Variants in SP100 observed in about 807,000 individuals in gnomAD.
SP100 encodes the protein SP100 nuclear body protein.
SP100 carries 84 observed loss-of-function variants against 130.0 expected under a neutral mutation model. The observed-to-expected ratio is 0.65, with a 90% confidence interval of 0.54 to 0.77. SP100 has a LOEUF of 0.77. Ranked by LOEUF, SP100 falls within the 30% of genes least tolerant of loss-of-function variation. The pLI is 0.00. For synonymous variants in SP100, 331 were observed against 351.7 expected, an observed-to-expected ratio of 0.94 and a Z score of 0.66; for missense variants, 978 against 1,052.2, an observed-to-expected ratio of 0.93 and a Z score of 0.97.
chr2:230,540,859 T>C lies in SP100; in HGVS notation c.2211-17T>C, dbSNP rs1692146993. On this transcript the variant is annotated splice_polypyrimidine_tract_variant and intron_variant, in intron 25 of 28. Transcript: ENST00000340126. ...TCACAGAACCTGCCATTGCTCACTT[T>C]ATGCCCCATCTCTCAGGAACCCGTG... 1.2e-6 allele frequency: 2 copies of C among 1,607,540 alleles called. No individual in the cohort carries two copies. The highest frequency in any genetic ancestry group is 1.7e-6 in the Non-Finnish European group (2 of 1,175,832).
intron 24 of SP100, among the ~76,000 whole-genome samples, chr2:230,521,251 G>A (rs1362734580): frequency 6.6e-6 from 1 of 152,116 alleles, no homozygotes; most frequent in African/African-American, 2.4e-5. Flanking sequence ...TTGAACAAAT[G>A]TGAAACTTGA....
chr2:230,466,433 A>G, intron 12 of SP100, 79 bp downstream of exon 12: 1 of 817,742 alleles, frequency 1.2e-6, no homozygotes, highest in Non-Finnish European at 2.1e-6. Flanking sequence ...TTTTCTACAA[A>G]AGAGTCAGTC....
chr2:230,450,377 A>G lies in SP100; in HGVS notation c.820+122A>G, dbSNP rs527745777. 62 of 661,134 alleles carry G rather than the reference A, an allele frequency of 9.4e-5. No homozygotes were observed. In the African/African-American group the frequency reaches 1.1e-3, roughly 12 times the overall value. 41.0% of individuals were successfully genotyped at this position (661,134 alleles called of 1,614,324 possible). On this transcript the variant is annotated intron_variant, in intron 8 of 28. Transcript: ENST00000340126. ...CCACTTTTTAAAATTACCAGATTAA[A>G]AGCTGGATGTATTTATCATTACATG... is the stretch of plus-strand genomic sequence containing the variant.
At chr2:230,522,911 T>G (rs1487589272) in intron 24 of SP100, among the ~76,000 whole-genome samples, 1 of 151,946 alleles carries the variant, frequency 6.6e-6, no homozygotes, top group African/African-American at 2.4e-5. Flanking sequence ...ATTTCCTAGG[T>G]TCAAGTGATT....
At chr2:230,429,311 C>T (rs936275237) in intron 2 of SP100, among the ~76,000 whole-genome samples, 1 of 152,070 alleles carries the variant, frequency 6.6e-6, no homozygotes, top group Non-Finnish European at 1.5e-5. Flanking sequence ...AGGTTTCTGC[C>T]GAGAAATTTG....
intron 2 of SP100, among the ~76,000 whole-genome samples, chr2:230,439,650 T>G (rs2063407777): frequency 6.6e-6 from 1 of 152,072 alleles, no homozygotes; most frequent in Non-Finnish European, 1.5e-5. Flanking sequence ...TTGATTTGAT[T>G]CTCAGCTTGA....
At chr2:230,490,887 G>A (rs1175002276) in intron 17 of SP100, among the ~76,000 whole-genome samples, 4 of 152,096 alleles carry the variant, frequency 2.6e-5, no homozygotes, top group African/African-American at 9.7e-5. Flanking sequence ...CTTTGTAGGT[G>A]ACCTGGCCTT....
intron 17 of SP100, among the ~76,000 whole-genome samples, chr2:230,487,932 A>G (rs2066191643): frequency 6.6e-6 from 1 of 151,852 alleles, no homozygotes; most frequent in Non-Finnish European, 1.5e-5. Context: ...TAGGTATTTT[A>G]TTATCTTTGT....
intron 3 of SP100, among the ~76,000 whole-genome samples, 187 bp from the exon 4 acceptor site, chr2:230,443,991 G>A (rs1288280155): frequency 2.0e-5 from 3 of 152,174 alleles, no homozygotes; most frequent in East Asian, 1.9e-4. Context: ...TCATCAGTGG[G>A]CATTTTTAAG....
chr2:230,489,479 GT>G (rs528312665), intron 17 of SP100, among the ~76,000 whole-genome samples: 7 of 151,236 alleles, frequency 4.6e-5, no homozygotes, highest in African/African-American at 1.7e-4. Context: ...CCAGCTCCTG[GT>G]TTTTTTGGAG....
At chr2:230,440,476 G>A in intron 2 of SP100, 5 of 1,160,488 alleles carry the variant, frequency 4.3e-6, no homozygotes, top group Non-Finnish European at 5.6e-6. Flanking sequence ...ATTTCAATAG[G>A]TTTTTGGAGA....
intron 15 of SP100, chr2:230,470,362 T>C: frequency 1.8e-6 from 2 of 1,113,330 alleles, no homozygotes; most frequent in Non-Finnish European, 2.2e-6. Flanking sequence ...TTTGTGGTAT[T>C]CTTTTTTTTA....
chr2:230,501,050 T>G (rs1222862491), intron 19 of SP100, among the ~76,000 whole-genome samples: 1 of 152,046 alleles, frequency 6.6e-6, no homozygotes, highest in Non-Finnish European at 1.5e-5. Flanking sequence ...AAGACAAGCC[T>G]GGGCAACATG....
intron 17 of SP100, among the ~76,000 whole-genome samples, chr2:230,476,683 A>G (rs2065565041): frequency 6.6e-6 from 1 of 152,222 alleles, no homozygotes; most frequent in Non-Finnish European, 1.5e-5. Context: ...TTAAACTAAT[A>G]TACCTGGACA....
intron 24 of SP100, among the ~76,000 whole-genome samples, chr2:230,531,949 T>C (rs1160638878): frequency 6.6e-6 from 1 of 152,216 alleles, no homozygotes; most frequent in Non-Finnish European, 1.5e-5. Context: ...ATGTATTTGC[T>C]GTTTGTTCTC....
chr2:230,443,210 T>G, intron 3 of SP100, 111 bp downstream of exon 3: 1 of 984,380 alleles, frequency 1.0e-6, no homozygotes, highest in Non-Finnish European at 1.5e-6. Flanking sequence ...ACAGGTCTCC[T>G]ATGAGTGGGG....
In SP100 at chr2:230,449,672, A is replaced by G. The variant is rs755335603; in HGVS notation, c.698A>G (p.Gln233Arg). Residue 233 changes from glutamine to arginine, a missense_variant, in exon 7 of 29, where the codon CAA becomes CGA. Transcript: ENST00000340126. ...AAAGATGATTCGCTAGGAAGCCAAC[A>G]AACAAATGAACAATGTGCTCAAAAG... is the stretch of plus-strand genomic sequence containing the variant. The part of the protein sequence containing the change: ...SDKDDSLGSQ[Q>R]TNEQCAQKAE... 3 of 1,614,218 alleles carry G rather than the reference A, an allele frequency of 1.9e-6. No homozygotes were observed. Among genetic ancestry groups the G allele is most frequent in the Non-Finnish European group, 2.5e-6 (3 of 1,180,032 alleles).
At position 230,437,220 on chromosome 2, in the gene SP100, C is replaced by T. The variant is rs77389393; in HGVS notation, c.108-5717C>T. Among the ~76,000 whole-genome samples, 158 of 152,170 alleles carry T rather than the reference C, an allele frequency of 1.0e-3. 1 individual carries two copies. Among genetic ancestry groups the T allele is most frequent in the Middle Eastern group, 3.4e-3 (1 of 292 alleles). On this transcript the variant is annotated intron_variant, in intron 2 of 28. Transcript: ENST00000340126. The stretch of plus-strand genomic sequence containing the variant: ...ACCCATTCATGAATAGGTTTAAATA[C>T]GTTTTCTCCTTTTATTTATTGGTAT...
In SP100 at chr2:230,542,816, T is replaced by G. The variant is rs1377681799; in HGVS notation, c.2548-20T>G. On this transcript the variant is annotated intron_variant, in intron 28 of 28. Coordinates refer to ENST00000340126, the MANE Select transcript of SP100 (RefSeq NM_001080391.2). ...GCTCATTGCATAACTGCTATATTGT[T>G]TTTTTCTTTGCTTTTTTAGGAAGAT... 1.3e-6 allele frequency: 2 copies of G among 1,497,072 alleles called. No homozygotes were observed. Among genetic ancestry groups the G allele is most frequent in the Non-Finnish European group, 1.9e-6 (2 of 1,073,974 alleles). 92.7% of individuals were successfully genotyped at this position (1,497,072 alleles called of 1,614,324 possible). A position where few individuals can be genotyped will look rare whatever the true frequency, so the allele number is the denominator to read the frequency against.
Sources: allele counts gnomAD v4.1 joint callset (sites outside exome capture counted in the v4.1 genomes callset), GRCh38; gene constraint gnomAD v4.1.1; transcripts MANE v1.5; gene names NCBI Gene and HGNC (gene_info 2026-07-23, HGNC 2026-07-21).